The following OBP2B variants were observed in gnomAD, a reference collection of about 807,000 sequenced individuals.
The protein encoded by OBP2B is odorant-binding protein 2b.
OBP2B carries 10 observed loss-of-function variants against 21.7 expected under a neutral mutation model. The ratio of observed to expected loss-of-function variants is 0.46; its 90% CI spans 0.28 to 0.78. The LOEUF is 0.78. Ranked by LOEUF, OBP2B falls within the 30% of genes least tolerant of loss-of-function variation. OBP2B has a pLI of 0.11. For synonymous variants in OBP2B, 73 were observed against 91.5 expected, an observed-to-expected ratio of 0.80 and a Z score of 1.16; for missense variants, 153 against 217.7, an observed-to-expected ratio of 0.70 and a Z score of 1.87.
chr9:133,212,828 G>C (rs1196601597), upstream of OBP2B, among the ~76,000 whole-genome samples: 1 of 152,160 alleles, frequency 6.6e-6, no homozygotes, highest in Non-Finnish European at 1.5e-5. Flanking sequence ...CTAATCGGGA[G>C]GCTGAGGCAG....
At chr9:133,215,021 C>A in the OBP2B span, among the ~76,000 whole-genome samples, 1 of 152,082 alleles carries the variant, frequency 6.6e-6, no homozygotes, top group Non-Finnish European at 1.5e-5. Flanking sequence ...TCCCAAGAAA[C>A]TGAAAAACAA....
At chr9:133,213,281 A>G (rs1342426857), upstream of OBP2B, among the ~76,000 whole-genome samples, 1 of 152,186 alleles carries the variant, frequency 6.6e-6, no homozygotes, top group Non-Finnish European at 1.5e-5. Context: ...TGTGAGACAC[A>G]GCTAAATCAG....
At chr9:133,218,581 CAG>C in the OBP2B span, among the ~76,000 whole-genome samples, 1 of 152,186 alleles carries the variant, frequency 6.6e-6, no homozygotes, top group Non-Finnish European at 1.5e-5. Context: ...CCACCACAAA[CAG>C]AGGGAAACTG....
chr9:133,205,465 C>G (rs1349042433), intron 6 of OBP2B, 54 bp from the exon 7 acceptor site: 1 of 1,052,436 alleles, frequency 9.5e-7, no homozygotes, highest in African/African-American at 1.6e-5. Flanking sequence ...GGGCAGAGGC[C>G]AGGGCCAGAG....
the OBP2B span, among the ~76,000 whole-genome samples, chr9:133,215,928 A>T: frequency 0.033 from 5,071 of 152,316 alleles, 285 homozygotes; most frequent in African/African-American, 0.12. Context: ...ACACCCTGCA[A>T]GAAAATTAAC....
intron 3 of OBP2B, chr9:133,207,835 C>G (rs1418368404): frequency 4.0e-6 from 6 of 1,485,932 alleles, no homozygotes; most frequent in South Asian, 3.6e-5. Context: ...TCAGCCTCCC[C>G]GTACCTAATC....
chr9:133,222,088 A>G, the OBP2B span, among the ~76,000 whole-genome samples: 178 of 151,852 alleles, frequency 1.2e-3, no homozygotes, highest in Middle Eastern at 7.0e-3. Context: ...ACCGCGCTCC[A>G]ATGTGGACCC....
At chr9:133,210,883 T>C (rs1458980348), upstream of OBP2B, among the ~76,000 whole-genome samples, 2 of 152,108 alleles carry the variant, frequency 1.3e-5, no homozygotes, top group African/African-American at 2.4e-5. Context: ...GGTCAACCCA[T>C]GGCAGACATG....
the OBP2B span, among the ~76,000 whole-genome samples, chr9:133,215,685 C>T: frequency 1.3e-5 from 2 of 152,144 alleles, no homozygotes; most frequent in Non-Finnish European, 2.9e-5. Flanking sequence ...TACCCAGCTA[C>T]AGGCTACCCT....
chr9:133,207,864 A>G (rs1309780845), intron 3 of OBP2B: 33 of 1,517,986 alleles, frequency 2.2e-5, no homozygotes, highest in Non-Finnish European at 2.7e-5. Flanking sequence ...CCTTGTCCCA[A>G]TCCTCAGCTT....
intron 4 of OBP2B, among the ~76,000 whole-genome samples, chr9:133,206,804 G>A (rs72769498): frequency 2.0e-5 from 3 of 151,740 alleles, no homozygotes; most frequent in Non-Finnish European, 2.9e-5. Context: ...CAAGCCACTC[G>A]GCAACCCCAG....
chr9:133,208,105 T>A (rs782019953), intron 3 of OBP2B, 28 bp downstream of exon 3: 1 of 707,276 alleles, frequency 1.4e-6, no homozygotes, highest in Non-Finnish European at 1.7e-6. Flanking sequence ...TGGGGGAGGG[T>A]GGGGGTGGGA....
At chr9:133,215,566 T>C in the OBP2B span, among the ~76,000 whole-genome samples, 1 of 152,242 alleles carries the variant, frequency 6.6e-6, no homozygotes, top group African/African-American at 2.4e-5. Context: ...TCACCCAGGC[T>C]GGAGTGCAGT....
At chr9:133,216,819 G>A in the OBP2B span, among the ~76,000 whole-genome samples, 3 of 152,150 alleles carry the variant, frequency 2.0e-5, no homozygotes, top group African/African-American at 7.2e-5. Flanking sequence ...CAGATTTCAG[G>A]AGTGGAGAAC....
the OBP2B span, among the ~76,000 whole-genome samples, chr9:133,214,790 A>G: frequency 6.6e-6 from 1 of 152,280 alleles, no homozygotes; most frequent in African/African-American, 2.4e-5. Flanking sequence ...AAAGTTTTTA[A>G]GCACATTTTG....
chr9:133,213,962 A>G (rs1307356326), upstream of OBP2B, among the ~76,000 whole-genome samples: 1 of 152,238 alleles, frequency 6.6e-6, no homozygotes, highest in East Asian at 1.9e-4. Flanking sequence ...CCTCATGAAT[A>G]TAGATACAGA....
intron 3 of OBP2B, chr9:133,207,859 T>G: frequency 6.6e-7 from 1 of 1,514,082 alleles, no homozygotes. Flanking sequence ...GGCCTCCTTG[T>G]CCCAATCCTC....
upstream of OBP2B, among the ~76,000 whole-genome samples, chr9:133,210,683 C>T (rs147017594): frequency 6.6e-6 from 1 of 152,222 alleles, no homozygotes; most frequent in Non-Finnish European, 1.5e-5. Flanking sequence ...ACGACATGCA[C>T]AGATGCTTCA....
the OBP2B span, among the ~76,000 whole-genome samples, chr9:133,218,304 G>A: frequency 6.6e-6 from 1 of 152,144 alleles, no homozygotes; most frequent in South Asian, 2.1e-4. Context: ...CATGAGGCTG[G>A]GGAGTGGGTG....
Sources: allele counts gnomAD v4.1 joint callset (sites outside exome capture counted in the v4.1 genomes callset), GRCh38; gene constraint gnomAD v4.1.1; transcripts MANE v1.5; gene names NCBI Gene and HGNC (gene_info 2026-07-23, HGNC 2026-07-21).